Variants in PRRC2B observed in about 807,000 individuals in gnomAD.
PRRC2B encodes the protein proline rich coiled-coil 2B, also known as protein PRRC2B.
Under a neutral mutation model 242.3 loss-of-function variants are expected in PRRC2B, and 68 were observed. That is an observed-to-expected ratio of 0.28 (90% CI 0.23 to 0.34). PRRC2B has a LOEUF of 0.34. PRRC2B is among the 10% of genes least tolerant of loss of function. The probability of loss-of-function intolerance (pLI) is 1.00; values close to 1 mark genes in which losing one functional copy is unlikely to be tolerated. For missense variants in PRRC2B, 2,835 were observed against 2,954.8 expected (o/e 0.96, Z 0.94); for synonymous variants, 1,228 against 1,173.6 (o/e 1.05, Z -0.95).
At position 131,471,867 on chromosome 9, in the gene PRRC2B, T is replaced by C. The variant is rs149180400; in HGVS notation, c.2107+884T>C. On this transcript the variant is annotated intron_variant, in intron 14 of 31. Coordinates refer to ENST00000683519, the MANE Select transcript of PRRC2B (RefSeq NM_013318.4). Reference sequence around the variant, plus strand: ...AGTCCATTAAGTTGAGCATGCTAATTGTGTTGTGCAAATGTCTTCATCATT... The same window carrying C: ...AGTCCATTAAGTTGAGCATGCTAATCGTGTTGTGCAAATGTCTTCATCATT... 2.1e-3 allele frequency among the ~76,000 whole-genome samples: 318 copies of C among 152,336 alleles called. 2 individuals carry two copies. The highest frequency in any genetic ancestry group is 7.2e-3 in the African/African-American group (301 of 41,570).
At chr9:131,415,142 C>A (rs1164753871) in intron 1 of PRRC2B, among the ~76,000 whole-genome samples, 1 of 151,888 alleles carries the variant, frequency 6.6e-6, no homozygotes, top group Non-Finnish European at 1.5e-5. Context: ...TACAGGTGTG[C>A]GCCATCACGC....
intron 1 of PRRC2B, among the ~76,000 whole-genome samples, chr9:131,410,296 G>C (rs1359073504): frequency 6.6e-6 from 1 of 152,218 alleles, no homozygotes; most frequent in Non-Finnish European, 1.5e-5. Flanking sequence ...CCCAGAGCTG[G>C]TGCAGACTCT....
Position 131,436,667 on chromosome 9 carries a change from G to C in PRRC2B, c.341G>C (p.Gly114Ala). ...SQPPESLPQP[G>A]LQKSVSNLQK... ...CCGCCGGAGTCGCTGCCGCAGCCGG[G>C]TTTGCAGAAATCTGTCTCCAATTTG... Residue 114 changes from glycine (G) to alanine (A), a missense_variant, in exon 4 of 32, where the codon GGT (glycine) becomes GCT (alanine). Around this residue, in one of 7 missense-constraint regions of PRRC2B, gnomAD observed 626 missense variants for 685.5 expected, o/e 0.91. Coordinates refer to ENST00000683519, the MANE Select transcript of PRRC2B (RefSeq NM_013318.4). 7 of 1,614,062 alleles carry C rather than the reference G, an allele frequency of 4.3e-6. No homozygotes were observed. Among genetic ancestry groups the C allele is most frequent in the Non-Finnish European group, 5.9e-6 (7 of 1,179,902 alleles).
chr9:131,417,746 GTGTC>G (rs968036498), intron 1 of PRRC2B, among the ~76,000 whole-genome samples: 1 of 152,130 alleles, frequency 6.6e-6, no homozygotes, highest in Non-Finnish European at 1.5e-5. Flanking sequence ...TCTAAATAGT[GTGTC>G]TGTGAGTTGG....
chr9:131,403,343 AT>A (rs1837273603), intron 1 of PRRC2B, among the ~76,000 whole-genome samples: 1 of 151,552 alleles, frequency 6.6e-6, no homozygotes, highest in African/African-American at 2.4e-5. Flanking sequence ...TATACAGGTT[AT>A]TTTATTTATT....
In PRRC2B at chr9:131,487,989, T is replaced by C; in HGVS notation, c.6118T>C (p.Ser2040Pro). The C allele has an allele frequency of 6.2e-7, 1 of 1,612,328 alleles. No individual in the cohort carries two copies. Among genetic ancestry groups the C allele is most frequent in the Non-Finnish European group, 8.5e-7 (1 of 1,179,248 alleles). ...PLEMVKPQSG[S>P]PYQPMSGNQA... ...GGAGATGGTGAAGCCGCAGTCTGGC[T>C]CACCCTACCAGCCCATGAGCGGGAA... The change falls in exon 28 of 32, where the codon TCA (serine) becomes CCA (proline). Residue 2040 changes from serine to proline, a missense_variant. Around this residue, in one of 7 missense-constraint regions of PRRC2B, gnomAD observed 574 missense variants for 626.0 expected, o/e 0.92. Coordinates refer to ENST00000683519, the MANE Select transcript of PRRC2B (RefSeq NM_013318.4). This position sits in a 1 kb window ranked among gnomAD's most constrained non-coding sequence, Gnocchi z 5.3.
At position 131,474,200 on chromosome 9, in the gene PRRC2B, C is replaced by T. The variant is rs570169566; in HGVS notation, c.2325-254C>T. On this transcript the variant is annotated intron_variant, in intron 15 of 31. Coordinates refer to ENST00000683519, the MANE Select transcript of PRRC2B (RefSeq NM_013318.4). ...CAGCCTGCGGCCACGACAGTCTTCA[C>T]TCTCAAGGACTCCAGGGGCCACCGA... Among the ~76,000 whole-genome samples the T allele has an allele frequency of 3.3e-5, 5 of 152,284 alleles. No individual in the cohort carries two copies. In the South Asian group the frequency reaches 1.0e-3, roughly 32 times the overall value.
At chr9:131,399,005 G>T (rs1837145545) in intron 1 of PRRC2B, among the ~76,000 whole-genome samples, 1 of 151,804 alleles carries the variant, frequency 6.6e-6, no homozygotes, top group Non-Finnish European at 1.5e-5. Flanking sequence ...GTCGGGCACG[G>T]TGGCTCACGC....
chr9:131,452,248 T>G (rs1392802479), intron 9 of PRRC2B, among the ~76,000 whole-genome samples: 1 of 152,212 alleles, frequency 6.6e-6, no homozygotes, highest in Non-Finnish European at 1.5e-5. Context: ...ACTCCTGGGC[T>G]CAAGTGATCC....
rs138699235 is a variant in PRRC2B at position 131,377,405 on chromosome 9, T to G, written c.-56+3674T>G. 6.7e-3 allele frequency among the ~76,000 whole-genome samples: 1,025 copies of G among 152,280 alleles called. 11 individuals carry two copies. The highest frequency in any genetic ancestry group is 0.021 in the African/African-American group (877 of 41,570). On this transcript the variant is annotated intron_variant, in intron 1 of 1. Coordinates refer to the PRRC2B transcript ENST00000682525. ...TGGGTTTACAGGCGTGAGCCACTGC[T>G]CCTGGCCTATACTATTAATTTTTTT... is the stretch of plus-strand genomic sequence containing the variant.
intron 1 of PRRC2B, among the ~76,000 whole-genome samples, chr9:131,426,400 A>G (rs1837979246): frequency 6.6e-6 from 1 of 151,978 alleles, no homozygotes; most frequent in South Asian, 2.1e-4. Flanking sequence ...AAAATCATTC[A>G]ATGTGAAATC....
intron 1 of PRRC2B, among the ~76,000 whole-genome samples, chr9:131,414,504 C>G (rs1331956664): frequency 1.3e-5 from 2 of 149,574 alleles, no homozygotes; most frequent in Non-Finnish European, 3.0e-5. Context: ...TTTGTTCCTC[C>G]AGAAGCCTCT....
intron 31 of PRRC2B, 89 bp from the exon 32 acceptor site, chr9:131,495,651 C>A: frequency 6.9e-7 from 1 of 1,443,860 alleles, no homozygotes; most frequent in Non-Finnish European, 9.4e-7. Flanking sequence ...CCCTGCAACT[C>A]AGGAGCAGGA....
chr9:131,477,783 CAG>C lies in PRRC2B; in HGVS notation c.4447_4448del (p.Ser1483GlnfsTer19). The stretch of plus-strand genomic sequence containing the variant: ...CCTTGCCTGGAGGTCTTAGTGGCTG[CAG>C]CAGTGGGAGTGGCCACTCCCCCTAT... ...EALPGGLSGC[S>X]SGSGHSPYAL... On this transcript the variant is annotated frameshift_variant, in exon 17 of 32. Transcript: ENST00000683519. LOFTEE classifies it high-confidence loss of function. 6.2e-7 allele frequency: 1 copy of C among 1,609,362 alleles called. No homozygotes were observed.
chr9:131,495,904 T>G lies in PRRC2B; in HGVS notation c.*30T>G. 6.3e-7 allele frequency: 1 copy of G among 1,590,218 alleles called. No homozygotes were observed. The highest frequency in any genetic ancestry group is 8.6e-7 in the Non-Finnish European group (1 of 1,162,502). On this transcript the variant is annotated 3_prime_UTR_variant, in exon 32 of 32. Coordinates refer to ENST00000683519, the MANE Select transcript of PRRC2B (RefSeq NM_013318.4). Reference sequence around the variant, plus strand: ...GCCTGGCTGCCACCTCGCCTCTCCCTACTGAGGACGGTGCCGCCATGCGGC... The same window carrying G: ...GCCTGGCTGCCACCTCGCCTCTCCCGACTGAGGACGGTGCCGCCATGCGGC...
chr9:131,405,019 G>T (rs1056876304), intron 1 of PRRC2B, among the ~76,000 whole-genome samples: 3 of 152,228 alleles, frequency 2.0e-5, no homozygotes, highest in Non-Finnish European at 4.4e-5. Context: ...GCTTATATGT[G>T]TGAGCGTATG....
chr9:131,399,581 A>G (rs1349418146), intron 1 of PRRC2B, among the ~76,000 whole-genome samples: 1 of 152,204 alleles, frequency 6.6e-6, no homozygotes, highest in Non-Finnish European at 1.5e-5. Context: ...TCCATCTGAA[A>G]AAAAAGGAAA....
chr9:131,444,138 G>C lies in PRRC2B; in HGVS notation c.470-47G>C, dbSNP rs1249221779. 7.5e-6 allele frequency: 12 copies of C among 1,608,994 alleles called. No individual in the cohort carries two copies. In the Admixed American group the frequency reaches 1.5e-4, roughly 20 times the overall value. On this transcript the variant is annotated intron_variant, in intron 5 of 31. Transcript: ENST00000683519. ...GTGTGGAGCTGGGAAGCAGACGACT[G>C]TTGACTCCATCTCACTTCCTCCATG...
At chr9:131,389,445 C>T (rs1323418790), upstream of PRRC2B, among the ~76,000 whole-genome samples, 1 of 150,732 alleles carries the variant, frequency 6.6e-6, no homozygotes, top group Non-Finnish European at 1.5e-5. Flanking sequence ...GCATGAGCCA[C>T]TGTGCCTGGC....
Sources: gnomAD v4.1 joint callset for allele counts (sites outside exome capture counted in the v4.1 genomes callset) on GRCh38, gnomAD v4.1.1 for gene constraint, gnomAD v4.1.1 regional missense constraint, Gnocchi (gnomAD v3.1) non-coding constraint, MANE v1.5 for transcripts, NCBI Gene and HGNC (gene_info 2026-07-23, HGNC 2026-07-21) for gene names.